Variants in NCOA3 observed in about 807,000 individuals in gnomAD.
NCOA3 encodes CBP-interacting protein.
Under a neutral mutation model 158.8 loss-of-function variants are expected in NCOA3, and 51 were observed. The observed-to-expected ratio is 0.32, with a 90% CI of 0.26 to 0.41. The LOEUF (loss-of-function observed/expected upper bound fraction) is 0.41, where lower values mean the gene tolerates loss of function less well. Among genes scored for constraint, NCOA3 ranks in the 10% least tolerant of loss-of-function variants. The pLI, the probability that NCOA3 is intolerant of heterozygous loss-of-function variation, is 1.00. For missense variants in NCOA3, 1,510 were observed against 1,746.6 expected, an observed-to-expected ratio of 0.86 and a Z score of 2.41; for synonymous variants, 537 against 592.4, an observed-to-expected ratio of 0.91 and a Z score of 1.36.
chr20:47,651,425 A>T, intron 20 of NCOA3, 149 bp downstream of exon 20: 1 of 1,311,030 alleles, frequency 7.6e-7, no homozygotes, highest in Non-Finnish European at 1.0e-6. Context: ...ATGATTGGAA[A>T]ACAAAAATGC....
chr20:47,511,033 A>G (rs1204516763), intron 1 of NCOA3, among the ~76,000 whole-genome samples: 1 of 151,872 alleles, frequency 6.6e-6, no homozygotes, highest in Non-Finnish European at 1.5e-5. Flanking sequence ...TGCCTTTACT[A>G]TTTAAGGAAC....
intron 1 of NCOA3, among the ~76,000 whole-genome samples, chr20:47,530,128 T>C (rs780783700): frequency 6.6e-6 from 1 of 152,252 alleles, no homozygotes; most frequent in Non-Finnish European, 1.5e-5. Flanking sequence ...TAAGGTATTG[T>C]ATGTTTGTTT....
At chr20:47,558,059 C>CT (rs111574647) in intron 1 of NCOA3, among the ~76,000 whole-genome samples, 23,809 of 135,072 alleles carry the variant, frequency 0.18, 2,304 homozygotes, top group Middle Eastern at 0.27. Flanking sequence ...AAATTTCTTT[C>CT]TTTTTTTTTT....
At chr20:47,529,114 A>C (rs2084504418) in intron 1 of NCOA3, among the ~76,000 whole-genome samples, 1 of 148,374 alleles carries the variant, frequency 6.7e-6, no homozygotes, top group Admixed American at 6.8e-5. Context: ...CAATTTATTT[A>C]TTTATTTAAA....
At chr20:47,650,951 A>G (rs766581599) in intron 19 of NCOA3, 31 bp from the exon 20 acceptor site, 12 of 1,600,482 alleles carry the variant, frequency 7.5e-6, no homozygotes, top group African/African-American at 1.3e-5. Flanking sequence ...CTTGCTATAT[A>G]TATGTAATTG....
chr20:47,570,939 T>TACACACACACACACAC (rs71183265), intron 1 of NCOA3, among the ~76,000 whole-genome samples: 3 of 114,872 alleles, frequency 2.6e-5, no homozygotes, highest in African/African-American at 1.1e-4. Context: ...GTAATATATA[T>TACACACACACACACAC]ACACACACAC....
rs572585213 is a variant in NCOA3, at chr20:47,655,877, A to G, written c.*2460A>G. Reference sequence around the variant, plus strand: ...ATATAGTAGAAAAATGAAGTTTATTATAAGTTTTTATATTTTCTACTTGTT... The same window carrying G: ...ATATAGTAGAAAAATGAAGTTTATTGTAAGTTTTTATATTTTCTACTTGTT... On this transcript the variant is annotated 3_prime_UTR_variant, in exon 23 of 23. Transcript: ENST00000371998. 5.2e-5 allele frequency: 8 copies of G among 152,590 alleles called. No individual in the cohort carries two copies. The highest frequency in any genetic ancestry group is 3.9e-4 in the Admixed American group (6 of 15,290). 9.5% of individuals were successfully genotyped at this position (152,590 alleles called of 1,614,324 possible).
rs2086133950 is a variant in NCOA3, at chr20:47,616,213, G to C, written c.-19-6016G>C. Among the ~76,000 whole-genome samples, 13 of 137,124 alleles carry C rather than the reference G, an allele frequency of 9.5e-5. No homozygotes were observed. The South Asian group carries it at 2.9e-3, about 31-fold the overall frequency. The allele number at this position is 137,124 out of a possible 152,430, so 90.0% of individuals were successfully genotyped here. A position where few individuals can be genotyped will look rare whatever the true frequency, so the allele number is the denominator to read the frequency against. On this transcript the variant is annotated intron_variant, in intron 2 of 22. Coordinates refer to ENST00000371998, the MANE Select transcript of NCOA3 (RefSeq NM_181659.3). ...GCTTAAATGCAGGTTTTTTTTTTTGGACGGAGTTTCATTCTTGTTGCCCAG... is the reference window on the plus strand; with the variant it reads ...GCTTAAATGCAGGTTTTTTTTTTTGCACGGAGTTTCATTCTTGTTGCCCAG...
At chr20:47,620,396 T>C (rs2086219925) in intron 2 of NCOA3, among the ~76,000 whole-genome samples, 1 of 152,250 alleles carries the variant, frequency 6.6e-6, no homozygotes, top group East Asian at 1.9e-4. Flanking sequence ...CTTGAGCTAC[T>C]CTTTTTAAAT....
intron 1 of NCOA3, among the ~76,000 whole-genome samples, chr20:47,511,730 T>G (rs2084145225): frequency 6.6e-6 from 1 of 151,038 alleles, no homozygotes; most frequent in South Asian, 2.1e-4. Flanking sequence ...ATTTTTGTAT[T>G]TTTAGTAGAG....
chr20:47,525,572 C>A (rs1167084002), intron 1 of NCOA3, among the ~76,000 whole-genome samples: 1 of 134,922 alleles, frequency 7.4e-6, no homozygotes, highest in Non-Finnish European at 1.6e-5. Flanking sequence ...GCTGACCCCC[C>A]CCACCTCCCT....
At chr20:47,564,660 A>G (rs1364210554) in intron 1 of NCOA3, among the ~76,000 whole-genome samples, 3 of 151,108 alleles carry the variant, frequency 2.0e-5, no homozygotes, top group Non-Finnish European at 4.4e-5. Flanking sequence ...CTTGTGCTGT[A>G]TTTCTAGCCA....
chr20:47,653,042 C>CATGTCTGGCATGCCT lies in NCOA3; in HGVS notation c.4237_4251dup (p.Ser1413_Met1417dup). On this transcript the variant is annotated inframe_insertion, in exon 22 of 23. Transcript: ENST00000371998. Reference sequence around the variant, plus strand: ...GACAGATGAACATGAACCCCATGCCCATGTCTGGCATGCCTATGGGTCCTG... The same window carrying CATGTCTGGCATGCCT: ...GACAGATGAACATGAACCCCATGCCCATGTCTGGCATGCCTATGTCTGGCATGCCTATGGGTCCTG... 6.2e-7 allele frequency: 1 copy of CATGTCTGGCATGCCT among 1,614,174 alleles called. No individual in the cohort carries two copies. The highest frequency in any genetic ancestry group is 8.5e-7 in the Non-Finnish European group (1 of 1,179,998).
intron 13 of NCOA3, among the ~76,000 whole-genome samples, chr20:47,638,465 A>G (rs923659338): frequency 5.3e-5 from 8 of 152,226 alleles, no homozygotes; most frequent in African/African-American, 1.9e-4. Context: ...AAAAGGCAGC[A>G]TGCACAATTA....
At chr20:47,587,695 A>G (rs949492950) in intron 2 of NCOA3, among the ~76,000 whole-genome samples, 1 of 152,022 alleles carries the variant, frequency 6.6e-6, no homozygotes, top group African/African-American at 2.4e-5. Flanking sequence ...TTATTGCTGT[A>G]TTGTTTTTTT....
At chr20:47,639,385 C>CTA (rs1430931776) in intron 14 of NCOA3, among the ~76,000 whole-genome samples, 183 bp downstream of exon 14, 1 of 152,148 alleles carries the variant, frequency 6.6e-6, no homozygotes, top group Non-Finnish European at 1.5e-5. Context: ...GTCTTTTGGT[C>CTA]TATGACATTT....
At chr20:47,542,352 T>C (rs1480618016) in intron 1 of NCOA3, among the ~76,000 whole-genome samples, 2 of 151,982 alleles carry the variant, frequency 1.3e-5, no homozygotes. Context: ...CTGTAGAGTT[T>C]CTTATTGTCT....
At chr20:47,528,477 G>A (rs1269602423) in intron 1 of NCOA3, among the ~76,000 whole-genome samples, 1 of 152,022 alleles carries the variant, frequency 6.6e-6, no homozygotes, top group East Asian at 1.9e-4. Context: ...ACTTAATCTT[G>A]CCTATAAGCT....
In NCOA3 at chr20:47,647,318, C is replaced by T; in HGVS notation, c.3498C>T (p.Thr1166=). ...ACATCATGAGACCCCGGACAAACAC[C>T]CCCAAGCAACTTAGAATGCAGCTTC... ...RANIMRPRTN[T]PKQLRMQLQQ... The change falls in exon 18 of 23, where the codon ACC becomes ACT. Residue 1166 remains threonine, a synonymous_variant. Coordinates refer to ENST00000371998, the MANE Select transcript of NCOA3 (RefSeq NM_181659.3). The T allele has an allele frequency of 6.2e-7, 1 of 1,614,164 alleles. No individual in the cohort carries two copies. Among genetic ancestry groups the T allele is most frequent in the Middle Eastern group, 1.6e-4 (1 of 6,062 alleles).
Sources: gnomAD v4.1 joint callset for allele counts (sites outside exome capture counted in the v4.1 genomes callset) on GRCh38, gnomAD v4.1.1 for gene constraint, MANE v1.5 for transcripts, NCBI Gene and HGNC (gene_info 2026-07-23, HGNC 2026-07-21) for gene names.